Variants in LHFPL1 observed in about 807,000 individuals in gnomAD.
LHFPL1 encodes LHFPL tetraspan subfamily member 1.
Under a neutral mutation model 12.1 loss-of-function variants are expected in LHFPL1, and 4 were observed. The ratio of observed to expected loss-of-function variants is 0.33; its 90% CI spans 0.16 to 0.76. The LOEUF (loss-of-function observed/expected upper bound fraction) is 0.76, where lower values mean the gene tolerates loss of function less well. Ranked by LOEUF, LHFPL1 falls within the 30% of genes least tolerant of loss-of-function variation. The pLI is 0.61. For synonymous variants in LHFPL1, 52 were observed against 61.9 expected (o/e 0.84, Z 0.75); for missense variants, 141 against 174.1 (o/e 0.81, Z 1.07).
At chrX:112,678,022 G>A (rs73630512) in intron 1 of LHFPL1, among the ~76,000 whole-genome samples, 3,855 of 110,149 alleles carry the variant, frequency 0.035, 167 homozygotes, top group African/African-American at 0.12. Flanking sequence ...ATGCTCACAA[G>A]CAGGTAAGGC....
chrX:112,649,192 C>T (rs1225806801), intron 3 of LHFPL1, among the ~76,000 whole-genome samples: 1 of 111,879 alleles, frequency 8.9e-6, no homozygotes, highest in Non-Finnish European at 1.9e-5. Context: ...CCCATTAACT[C>T]GTCATTTAAC....
chrX:112,677,854 T>G (rs114418304), intron 1 of LHFPL1, among the ~76,000 whole-genome samples: 6,077 of 110,978 alleles, frequency 0.055, 429 homozygotes, highest in African/African-American at 0.19. Flanking sequence ...TTTTGACTTG[T>G]GTCTTTTATT....
At chrX:112,652,776 A>T (rs2038284342) in intron 3 of LHFPL1, among the ~76,000 whole-genome samples, 1 of 112,152 alleles carries the variant, frequency 8.9e-6, no homozygotes, top group African/African-American at 3.2e-5. Flanking sequence ...CTATCAGTTG[A>T]GGTATATGAG....
At chrX:112,638,215 A>ACTGC (rs1243727943) in intron 3 of LHFPL1, among the ~76,000 whole-genome samples, 1 of 111,868 alleles carries the variant, frequency 8.9e-6, no homozygotes, top group East Asian at 2.8e-4. Flanking sequence ...TTTAAGAGAC[A>ACTGC]CTGCCCTGGC....
intron 3 of LHFPL1, among the ~76,000 whole-genome samples, chrX:112,648,945 C>T (rs891862523): frequency 6.3e-5 from 7 of 111,876 alleles, no homozygotes; most frequent in Non-Finnish European, 1.1e-4. Context: ...TATTGTTCAA[C>T]AAGGGACCAA....
chrX:112,630,908 C>A lies in LHFPL1; in HGVS notation c.*512G>T, dbSNP rs767682602. The A allele has an allele frequency of 9.0e-6, 1 of 111,679 alleles. No individual in the cohort carries two copies. The highest frequency in any genetic ancestry group is 9.4e-5 in the Admixed American group (1 of 10,592). 9.2% of individuals were successfully genotyped at this position (111,679 alleles called of 1,213,427 possible). ...CCCACCACTGGGAATCACCCTCCCCCGCTCCCCTGAAGCTTCCCCACAAGG... is the reference window on the plus strand; with the variant it reads ...CCCACCACTGGGAATCACCCTCCCCAGCTCCCCTGAAGCTTCCCCACAAGG... On this transcript the variant is annotated 3_prime_UTR_variant, in exon 4 of 4. Coordinates refer to ENST00000371968, the MANE Select transcript of LHFPL1 (RefSeq NM_178175.4).
chrX:112,668,805 T>C (rs762451596), intron 2 of LHFPL1, among the ~76,000 whole-genome samples: 1 of 112,316 alleles, frequency 8.9e-6, no homozygotes, highest in East Asian at 2.8e-4. Flanking sequence ...TGGAGAATTA[T>C]GAATGCTTTG....
chrX:112,646,066 T>C (rs1930675997), intron 3 of LHFPL1, among the ~76,000 whole-genome samples: 1 of 111,688 alleles, frequency 9.0e-6, no homozygotes, highest in Non-Finnish European at 1.9e-5. Flanking sequence ...TAAGTTTCAG[T>C]GCAGGTTCCC....
At chrX:112,644,769 C>A (rs1163764047) in intron 3 of LHFPL1, among the ~76,000 whole-genome samples, 4 of 112,078 alleles carry the variant, frequency 3.6e-5, no homozygotes, top group Non-Finnish European at 7.5e-5. Flanking sequence ...CACTTTGATG[C>A]CCTGCTATGG....
intron 3 of LHFPL1, among the ~76,000 whole-genome samples, chrX:112,659,014 G>A (rs1931095192): frequency 8.9e-6 from 1 of 111,915 alleles, no homozygotes; most frequent in Admixed American, 9.5e-5. Context: ...CAGTGAAAAA[G>A]CCAGACACAC....
chrX:112,644,455 G>T (rs1462745312), intron 3 of LHFPL1, among the ~76,000 whole-genome samples: 1 of 101,898 alleles, frequency 9.8e-6, no homozygotes, highest in Non-Finnish European at 2.0e-5. Flanking sequence ...TCTCCTGTTT[G>T]TGTGTGTGTG....
intron 2 of LHFPL1, among the ~76,000 whole-genome samples, chrX:112,664,619 A>C (rs1372807173): frequency 9.4e-6 from 1 of 106,588 alleles, no homozygotes; most frequent in Non-Finnish European, 1.9e-5. Context: ...TAGACAGGTG[A>C]GCACATTAGG....
chrX:112,675,465 T>G (rs1931631227), intron 1 of LHFPL1, among the ~76,000 whole-genome samples: 1 of 111,571 alleles, frequency 9.0e-6, no homozygotes, highest in Non-Finnish European at 1.9e-5. Context: ...ACTGTCACCA[T>G]GATTTCAGTT....
intron 3 of LHFPL1, among the ~76,000 whole-genome samples, chrX:112,660,200 T>A (rs1229634991): frequency 8.9e-6 from 1 of 112,488 alleles, no homozygotes; most frequent in Non-Finnish European, 1.9e-5. Context: ...TTTGAATATT[T>A]ATCTAGGTTC....
At chrX:112,665,332 A>C (rs1442897101) in intron 2 of LHFPL1, among the ~76,000 whole-genome samples, 1 of 110,705 alleles carries the variant, frequency 9.0e-6, no homozygotes, top group Admixed American at 9.6e-5. Flanking sequence ...CTGGGATTAT[A>C]AGTGCGTGCC....
At chrX:112,652,058 T>C (rs1178007286) in intron 3 of LHFPL1, among the ~76,000 whole-genome samples, 3 of 112,789 alleles carry the variant, frequency 2.7e-5, no homozygotes, top group African/African-American at 6.4e-5. Context: ...CTTCTTTGTG[T>C]GGAACTCTCT....
At chrX:112,677,419 C>A (rs968274612) in intron 1 of LHFPL1, among the ~76,000 whole-genome samples, 1 of 111,160 alleles carries the variant, frequency 9.0e-6, no homozygotes. Flanking sequence ...GGAACGTGAA[C>A]AGGCCTTTCT....
Position 112,658,437 on chromosome X carries a change from A to C in LHFPL1, c.481+2190T>G, listed in dbSNP as rs1410261473. On this transcript the variant is annotated intron_variant, in intron 3 of 3. Transcript: ENST00000371968. Reference sequence around the variant, plus strand: ...GTTACTCCATCTCAAAAAACAAAAAAAAAAAAGAAAAAAGAAAAAAAAAAA... The same window carrying C: ...GTTACTCCATCTCAAAAAACAAAAACAAAAAAGAAAAAAGAAAAAAAAAAA... 3.7e-5 allele frequency among the ~76,000 whole-genome samples: 4 copies of C among 106,877 alleles called. No homozygotes were observed. The East Asian group carries it at 1.1e-3, about 30-fold the overall frequency. 92.8% of individuals were successfully genotyped at this position (106,877 alleles called of 115,157 possible).
At chrX:112,647,742 C>T (rs1343710394) in intron 3 of LHFPL1, among the ~76,000 whole-genome samples, 1 of 111,914 alleles carries the variant, frequency 8.9e-6, no homozygotes, top group Non-Finnish European at 1.9e-5. Flanking sequence ...TAAATTAGTT[C>T]AACCATTGTG....
Sources: gnomAD v4.1 joint callset for allele counts (sites outside exome capture counted in the v4.1 genomes callset) on GRCh38, gnomAD v4.1.1 for gene constraint, MANE v1.5 for transcripts, NCBI Gene and HGNC (gene_info 2026-07-23, HGNC 2026-07-21) for gene names.